NXPE2: variants seen among roughly 807,000 people sequenced by gnomAD.
NXPE2 encodes the protein NXPE family member 2.
Under a neutral mutation model 34.4 loss-of-function variants are expected in NXPE2, and 34 were observed. The ratio of observed to expected loss-of-function variants is 0.99; its 90% CI spans 0.75 to 1.31. The LOEUF is 1.31. Ranked by LOEUF, NXPE2 falls within the 40% of genes most tolerant of loss-of-function variation. The probability of loss-of-function intolerance (pLI) is 0.00; values close to 1 mark genes in which losing one functional copy is unlikely to be tolerated. For missense variants in NXPE2, 649 were observed against 672.5 expected, an observed-to-expected ratio of 0.97 and a Z score of 0.39; for synonymous variants, 235 against 231.3, an observed-to-expected ratio of 1.02 and a Z score of -0.15.
At chr11:114,663,331 TGTAGCCTGCCAA>T in the NXPE2 span, among the ~76,000 whole-genome samples, 1 of 152,188 alleles carries the variant, frequency 6.6e-6, no homozygotes, top group South Asian at 2.1e-4. Flanking sequence ...AGGCTGCTCT[TGTAGCCTGCCAA>T]TGTCTGGATT....
At chr11:114,621,986 T>G in the NXPE2 span, among the ~76,000 whole-genome samples, 1 of 152,122 alleles carries the variant, frequency 6.6e-6, no homozygotes, top group Non-Finnish European at 1.5e-5. Context: ...GGGTAACCAC[T>G]GTTAACCGGT....
chr11:114,719,729 G>A, the NXPE2 span, among the ~76,000 whole-genome samples: 19 of 152,368 alleles, frequency 1.2e-4, no homozygotes, highest in African/African-American at 4.1e-4. Context: ...CAGGGCATGC[G>A]GCTCCTCTGA....
the NXPE2 span, among the ~76,000 whole-genome samples, chr11:114,464,708 G>A: frequency 6.6e-6 from 1 of 152,076 alleles, no homozygotes; most frequent in East Asian, 1.9e-4. Context: ...GGAAATGACT[G>A]ATAAATTCAG....
the NXPE2 span, among the ~76,000 whole-genome samples, chr11:114,799,044 T>C: frequency 1.2e-3 from 182 of 152,318 alleles, no homozygotes; most frequent in Admixed American, 5.6e-3. Flanking sequence ...GCAGTGAAAA[T>C]GTGGCTTATG....
chr11:114,651,862 C>T, the NXPE2 span, among the ~76,000 whole-genome samples: 5 of 152,226 alleles, frequency 3.3e-5, no homozygotes, highest in African/African-American at 9.6e-5. Context: ...AGTCCCCACC[C>T]GACCCAGAAG....
chr11:114,615,567 AACC>A, the NXPE2 span, among the ~76,000 whole-genome samples: 416 of 151,876 alleles, frequency 2.7e-3, 16 homozygotes, highest in African/African-American at 9.5e-3. Context: ...CTTCGTGGGT[AACC>A]ACCTTTACCT....
chr11:114,573,109 A>T, the NXPE2 span, among the ~76,000 whole-genome samples: 1 of 152,154 alleles, frequency 6.6e-6, no homozygotes, highest in African/African-American at 2.4e-5. Context: ...ATCCAGCAAA[A>T]CTAAGCTTCG....
the NXPE2 span, among the ~76,000 whole-genome samples, chr11:114,619,155 T>C: frequency 1.3e-5 from 2 of 151,696 alleles, no homozygotes; most frequent in Admixed American, 1.3e-4. Context: ...CAGTGGGTAA[T>C]AAGTATTGCC....
the NXPE2 span, among the ~76,000 whole-genome samples, chr11:114,521,236 C>T: frequency 6.6e-6 from 1 of 152,222 alleles, no homozygotes; most frequent in Non-Finnish European, 1.5e-5. Flanking sequence ...GTTTACCCAA[C>T]TCCACTTACG....
chr11:114,728,651 G>A, the NXPE2 span, among the ~76,000 whole-genome samples: 1 of 152,028 alleles, frequency 6.6e-6, no homozygotes, highest in African/African-American at 2.4e-5. Flanking sequence ...ATTCTGTAAA[G>A]GACAAGATAT....
the NXPE2 span, among the ~76,000 whole-genome samples, chr11:114,507,501 C>T: frequency 6.6e-6 from 1 of 152,148 alleles, no homozygotes; most frequent in Non-Finnish European, 1.5e-5. Flanking sequence ...GAACAAAATA[C>T]TTGCAAATCA....
chr11:114,514,451 A>G, the NXPE2 span, among the ~76,000 whole-genome samples: 8 of 151,910 alleles, frequency 5.3e-5, no homozygotes, highest in Non-Finnish European at 1.0e-4. Flanking sequence ...GTGCAGTGAC[A>G]CAATCATGTC....
the NXPE2 span, chr11:114,584,058 G>A: frequency 3.2e-6 from 1 of 316,484 alleles, no homozygotes; most frequent in Non-Finnish European, 6.2e-6. Context: ...TTGTCTAGGG[G>A]TCACTTAGAT....
the NXPE2 span, chr11:114,582,919 C>G: frequency 1.2e-6 from 2 of 1,614,106 alleles, no homozygotes; most frequent in South Asian, 1.1e-5. Context: ...AGTTCAGTCT[C>G]TGTTAGTGGC....
the NXPE2 span, among the ~76,000 whole-genome samples, chr11:114,476,477 A>AT: frequency 9.5e-3 from 1,441 of 152,276 alleles, 72 homozygotes; most frequent in Admixed American, 0.089. Flanking sequence ...GTATTTGTCC[A>AT]TTTTCACACT....
At chr11:114,713,401 T>C in the NXPE2 span, among the ~76,000 whole-genome samples, 3 of 152,188 alleles carry the variant, frequency 2.0e-5, no homozygotes, top group Non-Finnish European at 2.9e-5. Flanking sequence ...TGTCATTTCT[T>C]TGTCCAACTT....
the NXPE2 span, among the ~76,000 whole-genome samples, chr11:114,546,486 G>T: frequency 1.4e-5 from 2 of 142,264 alleles, no homozygotes; most frequent in Admixed American, 7.1e-5. Flanking sequence ...TTTTTTTTTA[G>T]AGATGGGGTT....
At chr11:114,751,265 G>T in the NXPE2 span, among the ~76,000 whole-genome samples, 12 of 152,136 alleles carry the variant, frequency 7.9e-5, no homozygotes, top group Non-Finnish European at 1.3e-4. Context: ...AAAAAGGAGA[G>T]AACAAAATAT....
the NXPE2 span, among the ~76,000 whole-genome samples, chr11:114,731,983 C>T: frequency 7.9e-5 from 12 of 152,250 alleles, no homozygotes; most frequent in South Asian, 6.2e-4. Context: ...GTGTAACTCT[C>T]GTCTTGGGAT....
Sources: allele counts gnomAD v4.1 joint callset (sites outside exome capture counted in the v4.1 genomes callset), GRCh38; gene constraint gnomAD v4.1.1; transcripts MANE v1.5; gene names NCBI Gene and HGNC (gene_info 2026-07-23, HGNC 2026-07-21).